Variants in REEP1 observed in about 807,000 individuals in gnomAD.
REEP1 encodes receptor accessory protein 1.
Under a neutral mutation model 40.3 loss-of-function variants are expected in REEP1, and 22 were observed. The observed-to-expected ratio is 0.55, with a 90% CI of 0.39 to 0.78. The LOEUF is 0.78. Ranked by LOEUF, REEP1 falls within the 30% of genes least tolerant of loss-of-function variation. The pLI, the probability that REEP1 is intolerant of heterozygous loss-of-function variation, is 0.00. For synonymous variants in REEP1, 116 were observed against 139.2 expected (o/e 0.83, Z 1.17); for missense variants, 280 against 361.1 (o/e 0.78, Z 1.82).
At chr2:86,265,527 G>A (rs1170009944) in intron 2 of REEP1, among the ~76,000 whole-genome samples, 1 of 151,960 alleles carries the variant, frequency 6.6e-6, no homozygotes, top group African/African-American at 2.4e-5. Flanking sequence ...TACAACCTAA[G>A]TCTATCAATG....
chr2:86,290,211 G>T (rs1001652571), intron 1 of REEP1, among the ~76,000 whole-genome samples: 2 of 152,018 alleles, frequency 1.3e-5, no homozygotes, highest in African/African-American at 4.8e-5. Context: ...TGGCCAGGCT[G>T]GTATACACTC....
intron 3 of REEP1, among the ~76,000 whole-genome samples, chr2:86,261,153 G>C (rs1257137232): frequency 6.6e-6 from 1 of 152,134 alleles, no homozygotes; most frequent in East Asian, 1.9e-4. Context: ...GACTAACACG[G>C]GAGGACAGAA....
chr2:86,232,666 G>A lies in REEP1; in HGVS notation c.554C>T (p.Pro185Leu). The change falls in exon 6 of 9, where the codon CCT becomes CTT. Residue 185 changes from proline (P) to leucine (L), a missense_variant. Coordinates refer to ENST00000538924, the MANE Select transcript of REEP1 (RefSeq NM_001371279.1). ...CTCAGAAGCACTCCTGGACATCTTAGGCTGGCCGTGTTTGCCGCTGGCCCG... is the reference window on the plus strand; with the variant it reads ...CTCAGAAGCACTCCTGGACATCTTAAGCTGGCCGTGTTTGCCGCTGGCCCG... ...SGRASGKHGQ[P>L]KMSRSASESA... The A allele has an allele frequency of 1.2e-6, 2 of 1,612,828 alleles. No individual in the cohort carries two copies. Among genetic ancestry groups the A allele is most frequent in the South Asian group, 1.1e-5 (1 of 91,088 alleles).
intron 2 of REEP1, among the ~76,000 whole-genome samples, chr2:86,276,701 A>G (rs904494044): frequency 6.6e-6 from 1 of 152,152 alleles, no homozygotes; most frequent in Non-Finnish European, 1.5e-5. Context: ...GCCAGAATCT[A>G]AAGGTGCAGG....
intron 2 of REEP1, among the ~76,000 whole-genome samples, chr2:86,267,545 G>A (rs1036598626): frequency 3.3e-5 from 5 of 151,634 alleles, no homozygotes; most frequent in Non-Finnish European, 7.4e-5. Context: ...AGCCAGGCAT[G>A]GTGTCACACA....
intron 2 of REEP1, among the ~76,000 whole-genome samples, chr2:86,273,171 C>T (rs11695402): frequency 0.87 from 132,059 of 151,448 alleles, 58,016 homozygotes; most frequent in East Asian, 0.96. Flanking sequence ...AAACCTAAAG[C>T]GGGTGACTTT....
chr2:86,301,546 G>T (rs1382522729), intron 1 of REEP1, among the ~76,000 whole-genome samples: 1 of 152,146 alleles, frequency 6.6e-6, no homozygotes, highest in Non-Finnish European at 1.5e-5. Flanking sequence ...AGACCAGCGT[G>T]ACAATACCAG....
intron 2 of REEP1, among the ~76,000 whole-genome samples, chr2:86,267,804 T>C (rs552779470): frequency 1.3e-5 from 2 of 151,800 alleles, no homozygotes; most frequent in African/African-American, 4.8e-5. Context: ...ATCATTCATC[T>C]GATAAGGTAC....
intron 3 of REEP1, among the ~76,000 whole-genome samples, chr2:86,261,601 C>A (rs375674665): frequency 6.6e-6 from 1 of 152,172 alleles, no homozygotes; most frequent in East Asian, 1.9e-4. Flanking sequence ...TGTGGAAGCC[C>A]GCAGGGACCT....
chr2:86,326,900 C>T (rs1334992617), intron 1 of REEP1, among the ~76,000 whole-genome samples: 1 of 152,104 alleles, frequency 6.6e-6, no homozygotes, highest in East Asian at 1.9e-4. Flanking sequence ...AATTCTCTAC[C>T]CATATAAAAC....
At chr2:86,264,288 G>T (rs1416295730) in intron 2 of REEP1, among the ~76,000 whole-genome samples, 3 of 152,068 alleles carry the variant, frequency 2.0e-5, no homozygotes, top group Non-Finnish European at 4.4e-5. Flanking sequence ...AGTGAGCCGG[G>T]GAGACCTGCG....
chr2:86,270,222 GT>G (rs1370043769), intron 2 of REEP1, among the ~76,000 whole-genome samples: 1 of 151,962 alleles, frequency 6.6e-6, no homozygotes, highest in Non-Finnish European at 1.5e-5. Context: ...TTGAGATGGA[GT>G]TTTGCTCTTG....
chr2:86,302,545 G>T (rs1679298332), intron 1 of REEP1, among the ~76,000 whole-genome samples: 1 of 152,090 alleles, frequency 6.6e-6, no homozygotes, highest in African/African-American at 2.4e-5. Context: ...AATCATCAGA[G>T]GCAAACAAAG....
intron 1 of REEP1, among the ~76,000 whole-genome samples, chr2:86,304,033 A>G (rs528093062): frequency 6.6e-6 from 1 of 152,198 alleles, no homozygotes; most frequent in Non-Finnish European, 1.5e-5. Flanking sequence ...GTAGATATGT[A>G]GTAAATAGGA....
At chr2:86,303,248 G>A (rs181793599) in intron 1 of REEP1, among the ~76,000 whole-genome samples, 2,538 of 122,330 alleles carry the variant, frequency 0.021, 82 homozygotes, top group African/African-American at 0.075. Context: ...ACAGAGTCTC[G>A]CTCTGTTGCC....
In REEP1 at chr2:86,337,465, A is replaced by T. The variant is rs1057522806; in HGVS notation, c.32+14T>A. 7.1e-6 allele frequency: 9 copies of T among 1,275,646 alleles called. No homozygotes were observed. The highest frequency in any genetic ancestry group is 3.1e-4 in the Middle Eastern group (1 of 3,278). 79.0% of individuals were successfully genotyped at this position (1,275,646 alleles called of 1,614,324 possible). A position where few individuals can be genotyped will look rare whatever the true frequency, so the allele number is the denominator to read the frequency against. On this transcript the variant is annotated intron_variant, in intron 1 of 8. Coordinates refer to ENST00000538924, the MANE Select transcript of REEP1 (RefSeq NM_001371279.1). This position sits in a 1 kb window ranked among gnomAD's most constrained non-coding sequence, Gnocchi z 5.8. ...GGGAGGGGACGGAGGGGCGCGGGGG[A>T]GAAGGCCACTTACACCACCAGCCTG...
chr2:86,233,082 C>T (rs895603181), intron 5 of REEP1, among the ~76,000 whole-genome samples: 3 of 152,172 alleles, frequency 2.0e-5, no homozygotes, highest in African/African-American at 4.8e-5. Context: ...GATGATGATC[C>T]GGAGCCTCAG....
rs564389002 is a variant in REEP1, at chr2:86,324,288, ACTC to A, written c.32+13188_32+13190del. On this transcript the variant is annotated intron_variant, in intron 1 of 8. Coordinates refer to ENST00000538924, the MANE Select transcript of REEP1 (RefSeq NM_001371279.1). ...GTTTAGCATCCAGAAGAGTTAAAGA[ACTC>A]CTACAAATCAATAAGATAAGGACAA... Among the ~76,000 whole-genome samples, 333 of 152,318 alleles carry A rather than the reference ACTC, an allele frequency of 2.2e-3. 1 individual carries two copies. Among genetic ancestry groups the A allele is most frequent in the African/African-American group, 7.8e-3 (326 of 41,558 alleles).
intron 5 of REEP1, among the ~76,000 whole-genome samples, chr2:86,234,698 A>T (rs1463398690): frequency 6.6e-6 from 1 of 152,220 alleles, no homozygotes; most frequent in African/African-American, 2.4e-5. Flanking sequence ...TATTTGGAGG[A>T]TATTATATGA....
Sources: gnomAD v4.1 joint callset for allele counts (sites outside exome capture counted in the v4.1 genomes callset) on GRCh38, gnomAD v4.1.1 for gene constraint, Gnocchi (gnomAD v3.1) non-coding constraint, MANE v1.5 for transcripts, NCBI Gene and HGNC (gene_info 2026-07-23, HGNC 2026-07-21) for gene names.